Variants in STXBP5L observed in about 807,000 individuals in gnomAD.
STXBP5L encodes the protein syntaxin binding protein 5L, also known as syntaxin-binding protein 5-like.
STXBP5L carries 65 observed loss-of-function variants against 144.5 expected under a neutral mutation model. The observed-to-expected ratio is 0.45, with a 90% CI of 0.37 to 0.55. The LOEUF (loss-of-function observed/expected upper bound fraction) is 0.55, where lower values mean the gene tolerates loss of function less well. Among genes scored for constraint, STXBP5L ranks in the 20% least tolerant of loss-of-function variants. The pLI is 0.00. For synonymous variants in STXBP5L, 505 were observed against 469.6 expected (o/e 1.08, Z -0.97); for missense variants, 1,298 against 1,405.5 (o/e 0.92, Z 1.22).
intron 23 of STXBP5L, among the ~76,000 whole-genome samples, chr3:121,412,138 G>A (rs2047127002): frequency 6.6e-6 from 1 of 152,152 alleles, no homozygotes; most frequent in South Asian, 2.1e-4. Context: ...TCTCCTGGCT[G>A]TGCCTGTGAC....
chr3:121,215,377 A>G (rs535763486), intron 10 of STXBP5L, among the ~76,000 whole-genome samples: 4 of 152,174 alleles, frequency 2.6e-5, no homozygotes, highest in African/African-American at 9.6e-5. Flanking sequence ...TTTCATCAGG[A>G]GCTCTTGTAA....
chr3:121,169,883 C>G (rs889066544), intron 9 of STXBP5L, among the ~76,000 whole-genome samples: 3 of 152,200 alleles, frequency 2.0e-5, no homozygotes, highest in African/African-American at 7.2e-5. Flanking sequence ...CCCAAATCAA[C>G]AGAATATACA....
intron 19 of STXBP5L, among the ~76,000 whole-genome samples, chr3:121,289,432 A>C (rs1400193719): frequency 1.3e-5 from 2 of 152,300 alleles, no homozygotes; most frequent in Middle Eastern, 3.4e-3. Context: ...GAAATGAGAT[A>C]AACAACAACA....
chr3:121,084,487 T>C (rs1293947047), intron 5 of STXBP5L, among the ~76,000 whole-genome samples: 1 of 152,330 alleles, frequency 6.6e-6, no homozygotes, highest in African/African-American at 2.4e-5. Context: ...GATACATGGC[T>C]GATGATAATG....
chr3:121,388,980 TG>T (rs2046501990), intron 22 of STXBP5L, among the ~76,000 whole-genome samples: 1 of 152,226 alleles, frequency 6.6e-6, no homozygotes, highest in African/African-American at 2.4e-5. Context: ...AGCTTCTCTT[TG>T]TGCCTCTGGT....
chr3:120,940,896 G>A (rs760093704), intron 2 of STXBP5L, among the ~76,000 whole-genome samples: 6 of 151,432 alleles, frequency 4.0e-5, no homozygotes, highest in Non-Finnish European at 8.9e-5. Flanking sequence ...TTCTTTGAAG[G>A]TATGTTTTAA....
chr3:120,990,337 G>A (rs567006346), intron 3 of STXBP5L, among the ~76,000 whole-genome samples: 2 of 152,296 alleles, frequency 1.3e-5, no homozygotes, highest in African/African-American at 4.8e-5. Context: ...AACATTCCTT[G>A]CTCATGGATA....
At position 121,407,583 on chromosome 3, in the gene STXBP5L, C is replaced by T. The variant is rs771227041; in HGVS notation, c.2928C>T (p.Asn976=). The change falls in exon 23 of 27, where the codon AAC becomes AAT. Residue 976 remains asparagine, a synonymous_variant. Coordinates refer to ENST00000471454, the MANE Select transcript of STXBP5L (RefSeq NM_001308330.2). ...CCTGCTTGGCATGCTTTTGTGCTAA[C>T]GGACATATCATGATAATGAGGTACT... ...SSACLACFCA[N]GHIMIMSLPS... The T allele has an allele frequency of 1.4e-5, 23 of 1,612,936 alleles. 1 individual carries two copies. Among genetic ancestry groups the T allele is most frequent in the South Asian group, 9.9e-5 (9 of 91,060 alleles).
chr3:121,100,796 CA>C (rs536326221), intron 5 of STXBP5L, among the ~76,000 whole-genome samples: 105 of 131,026 alleles, frequency 8.0e-4, no homozygotes, highest in Middle Eastern at 3.9e-3. Flanking sequence ...AATATATCGA[CA>C]AAAAAAAAAA....
At chr3:121,382,074 A>G (rs1160921284) in intron 22 of STXBP5L, among the ~76,000 whole-genome samples, 8 of 152,026 alleles carry the variant, frequency 5.3e-5, no homozygotes, top group Admixed American at 5.3e-4. Context: ...TGCCAAGCAT[A>G]TGTTGTATTC....
intron 18 of STXBP5L, 91 bp from the exon 19 acceptor site, chr3:121,279,714 A>T (rs1265196151): frequency 6.7e-7 from 1 of 1,501,264 alleles, no homozygotes; most frequent in Admixed American, 1.8e-5. Flanking sequence ...ACCCTAAGAC[A>T]TTACTTTTCA....
intron 14 of STXBP5L, among the ~76,000 whole-genome samples, chr3:121,244,672 G>T (rs1363167986): frequency 1.3e-5 from 2 of 152,022 alleles, no homozygotes; most frequent in African/African-American, 4.8e-5. Flanking sequence ...AGAAAATCTT[G>T]AAAGCATCAA....
chr3:120,916,457 C>T (rs538826465), intron 2 of STXBP5L, among the ~76,000 whole-genome samples: 7 of 152,026 alleles, frequency 4.6e-5, no homozygotes, highest in Non-Finnish European at 7.4e-5. Flanking sequence ...CCCACCACCA[C>T]GCCCGGCTAA....
chr3:121,048,897 T>C (rs1181631583), intron 5 of STXBP5L, among the ~76,000 whole-genome samples: 1 of 152,146 alleles, frequency 6.6e-6, no homozygotes, highest in East Asian at 1.9e-4. Flanking sequence ...CAAGTCTGGC[T>C]GCTTTTCCAT....
chr3:121,086,517 T>G (rs1157593179), intron 5 of STXBP5L, among the ~76,000 whole-genome samples: 2 of 152,196 alleles, frequency 1.3e-5, no homozygotes, highest in Admixed American at 6.5e-5. Context: ...GCCTACAGTA[T>G]TCACTACAGT....
intron 8 of STXBP5L, among the ~76,000 whole-genome samples, chr3:121,156,219 A>G (rs952265061): frequency 6.6e-6 from 1 of 151,976 alleles, no homozygotes; most frequent in Non-Finnish European, 1.5e-5. Context: ...ATGTGTAATA[A>G]TTACTTTAGC....
intron 5 of STXBP5L, among the ~76,000 whole-genome samples, chr3:121,054,144 G>A (rs1020395894): frequency 9.8e-5 from 15 of 152,314 alleles, no homozygotes; most frequent in South Asian, 4.1e-4. Flanking sequence ...CGGTTGGTGG[G>A]ACTGTAATCT....
chr3:120,935,407 A>C (rs1300194207), intron 2 of STXBP5L, among the ~76,000 whole-genome samples: 1 of 147,740 alleles, frequency 6.8e-6, no homozygotes, highest in Non-Finnish European at 1.5e-5. Context: ...TGTTAGCTCA[A>C]TTAAGAATTT....
Position 120,959,030 on chromosome 3 carries a change from A to T in STXBP5L, c.287+3993A>T, listed in dbSNP as rs1008080017. 7.2e-5 allele frequency among the ~76,000 whole-genome samples: 11 copies of T among 152,286 alleles called. No homozygotes were observed. In the East Asian group the frequency reaches 1.4e-3, roughly 19 times the overall value. ...CCCATCATCTCAGCCCAAAATCTCC[A>T]TAAGCTGATAAGCAACTTCAGCAAA... On this transcript the variant is annotated intron_variant, in intron 3 of 26. Transcript: ENST00000471454.
Sources: allele counts gnomAD v4.1 joint callset (sites outside exome capture counted in the v4.1 genomes callset), GRCh38; gene constraint gnomAD v4.1.1; transcripts MANE v1.5; gene names NCBI Gene and HGNC (gene_info 2026-07-23, HGNC 2026-07-21).